Variants in MAEA observed in about 807,000 individuals in gnomAD.
MAEA encodes the protein macrophage erythroblast attacher, E3 ubiquitin ligase.
Under a neutral mutation model 46.2 loss-of-function variants are expected in MAEA, and 22 were observed. That is an observed-to-expected ratio of 0.48 (90% CI 0.34 to 0.68). The LOEUF is 0.68. Ranked by LOEUF, MAEA falls within the 30% of genes least tolerant of loss-of-function variation. The probability of loss-of-function intolerance (pLI) is 0.01; values close to 1 mark genes in which losing one functional copy is unlikely to be tolerated. For missense variants in MAEA, 393 were observed against 558.1 expected (o/e 0.70, Z 2.98); for synonymous variants, 246 against 222.6 (o/e 1.11, Z -0.94).
intron 1 of MAEA, among the ~76,000 whole-genome samples, chr4:1,296,389 G>A (rs1380503903): frequency 1.2e-5 from 1 of 82,898 alleles, no homozygotes; most frequent in African/African-American, 5.5e-5. Flanking sequence ...TGCCTGTGCA[G>A]CCGTCACCCA....
Position 1,311,878 on chromosome 4 carries a change from C to A in MAEA, c.70-101C>A. The A allele has an allele frequency of 9.9e-7, 1 of 1,010,628 alleles. No individual in the cohort carries two copies. Among genetic ancestry groups the A allele is most frequent in the Non-Finnish European group, 1.5e-6 (1 of 678,112 alleles). 62.6% of individuals were successfully genotyped at this position (1,010,628 alleles called of 1,614,324 possible). Reference sequence around the variant, plus strand: ...GACCATGAACCTTCTGAGACTTCTGCCTCTACAAGTGCCATGAGGAGACCT... The same window carrying A: ...GACCATGAACCTTCTGAGACTTCTGACTCTACAAGTGCCATGAGGAGACCT... On this transcript the variant is annotated intron_variant, in intron 1 of 8. Transcript: ENST00000303400. This position sits in a 1 kb window ranked among gnomAD's most constrained non-coding sequence, Gnocchi z 4.4.
intron 1 of MAEA, among the ~76,000 whole-genome samples, chr4:1,298,398 G>A (rs567531224): frequency 3.3e-5 from 5 of 152,334 alleles, no homozygotes; most frequent in South Asian, 2.1e-4. Flanking sequence ...AGGCACACGC[G>A]CCGTCTTCTG....
At chr4:1,338,884 G>A (rs554640959) in intron 8 of MAEA, 190 bp from the exon 9 acceptor site, 27 of 659,726 alleles carry the variant, frequency 4.1e-5, no homozygotes, top group East Asian at 2.4e-4. Flanking sequence ...AGCTTCGTTC[G>A]AAATGGATGA....
At chr4:1,302,982 G>A (rs1199181965) in intron 1 of MAEA, among the ~76,000 whole-genome samples, 5 of 151,970 alleles carry the variant, frequency 3.3e-5, no homozygotes, top group African/African-American at 9.7e-5. Context: ...ATCCTCATAC[G>A]CAGCCACCTC....
intron 2 of MAEA, among the ~76,000 whole-genome samples, chr4:1,313,941 G>A (rs1252124126): frequency 6.6e-6 from 1 of 152,206 alleles, no homozygotes; most frequent in Non-Finnish European, 1.5e-5. Context: ...GGCTGAGGCA[G>A]GAGAATCGCT....
At chr4:1,330,031 G>C (rs1037009362) in intron 5 of MAEA, 15 of 985,426 alleles carry the variant, frequency 1.5e-5, no homozygotes, top group Non-Finnish European at 1.8e-5. Context: ...TGGAGCCAGC[G>C]TGCTGGGCCG....
chr4:1,330,148 C>T (rs536894189), intron 5 of MAEA: 4 of 985,338 alleles, frequency 4.1e-6, no homozygotes, highest in African/African-American at 1.7e-5. Flanking sequence ...TAACTTTTAA[C>T]GCCTTTAATT....
chr4:1,308,754 G>T (rs540177814), intron 1 of MAEA, among the ~76,000 whole-genome samples: 2 of 152,310 alleles, frequency 1.3e-5, no homozygotes, highest in African/African-American at 2.4e-5. Flanking sequence ...TTTTAAAATT[G>T]GATATTTCCT....
chr4:1,321,655 C>T (rs569112130), intron 3 of MAEA, among the ~76,000 whole-genome samples: 1 of 152,292 alleles, frequency 6.6e-6, no homozygotes, highest in African/African-American at 2.4e-5. Flanking sequence ...GAGGTGCCGT[C>T]CTTGGTCCCA....
At chr4:1,332,932 T>C in intron 6 of MAEA, 67 bp downstream of exon 6, 1 of 1,254,542 alleles carries the variant, frequency 8.0e-7, no homozygotes, top group Non-Finnish European at 1.1e-6. Flanking sequence ...CTCTGGTCTG[T>C]AGCTGCTTCC....
At chr4:1,305,075 T>C (rs759630512) in intron 1 of MAEA, among the ~76,000 whole-genome samples, 2 of 152,246 alleles carry the variant, frequency 1.3e-5, no homozygotes, top group Non-Finnish European at 2.9e-5. Flanking sequence ...TGGACTTCTC[T>C]TCACCATCTT....
In MAEA at chr4:1,322,283, C is replaced by T. The variant is rs184736988; in HGVS notation, c.457-98C>T. ...CTGGAGATGCATCTCGAGTGGTGGC[C>T]GGTGCTGGGCCTGCCTCATGGAGGC... On this transcript the variant is annotated intron_variant, in intron 3 of 8. Coordinates refer to ENST00000303400, the MANE Select transcript of MAEA (RefSeq NM_001017405.3). 1.2e-4 allele frequency: 189 copies of T among 1,524,242 alleles called. 1 individual carries two copies. The East Asian group carries it at 2.8e-3, about 23-fold the overall frequency. 94.4% of individuals were successfully genotyped at this position (1,524,242 alleles called of 1,614,324 possible).
chr4:1,306,557 G>GT (rs768383772), intron 1 of MAEA, among the ~76,000 whole-genome samples: 4 of 152,024 alleles, frequency 2.6e-5, no homozygotes, highest in Admixed American at 6.5e-5. Context: ...CTTGCTTGTC[G>GT]TAATACTGAG....
At position 1,315,610 on chromosome 4, in the gene MAEA, C is replaced by T. The variant is rs112610268; in HGVS notation, c.456+10C>T. ...CCAGAGCGGCATCGAGGTGGGTGCC[C>T]GCCAGACGCAGGCACAGCGCCCCAG... On this transcript the variant is annotated intron_variant, in intron 3 of 8. Coordinates refer to ENST00000303400, the MANE Select transcript of MAEA (RefSeq NM_001017405.3). 1,216 of 1,612,010 alleles carry T rather than the reference C, an allele frequency of 7.5e-4. 12 individuals carry two copies. In the African/African-American group the frequency reaches 0.014, roughly 19 times the overall value.
intron 1 of MAEA, chr4:1,309,726 C>T (rs1368899858): frequency 4.6e-6 from 7 of 1,517,848 alleles, no homozygotes; most frequent in East Asian, 4.9e-5. Flanking sequence ...AGCCCCTCCC[C>T]GGCCTCCTTC....
chr4:1,322,246 C>A, intron 3 of MAEA, 135 bp from the exon 4 acceptor site: 2 of 1,243,856 alleles, frequency 1.6e-6, no homozygotes, highest in Admixed American at 2.0e-5. Context: ...GAGTGCAGAC[C>A]CACAGTGTGG....
At chr4:1,306,359 G>T (rs983142561) in intron 1 of MAEA, among the ~76,000 whole-genome samples, 3 of 152,116 alleles carry the variant, frequency 2.0e-5, no homozygotes, top group Non-Finnish European at 2.9e-5. Flanking sequence ...TTAAAAAAAT[G>T]GGATTGCTAA....
Position 1,319,915 on chromosome 4 carries a change from A to G in MAEA, c.457-2466A>G, listed in dbSNP as rs569444543. ...CAAAGCAAACATGCAAGAAAACGCT[A>G]TGAAGGGGCTTCAGAAAAGAATCAT... On this transcript the variant is annotated intron_variant, in intron 3 of 8. Transcript: ENST00000303400. 2.8e-3 allele frequency among the ~76,000 whole-genome samples: 424 copies of G among 152,054 alleles called. 5 individuals carry two copies. The highest frequency in any genetic ancestry group is 9.9e-3 in the African/African-American group (412 of 41,440).
intron 5 of MAEA, chr4:1,328,643 T>A: frequency 7.9e-7 from 1 of 1,271,468 alleles, no homozygotes. Context: ...GTGGGCCGGG[T>A]GGCCGAGTGT....
Sources: gnomAD v4.1 joint callset for allele counts (sites outside exome capture counted in the v4.1 genomes callset) on GRCh38, gnomAD v4.1.1 for gene constraint, Gnocchi (gnomAD v3.1) non-coding constraint, MANE v1.5 for transcripts, NCBI Gene and HGNC (gene_info 2026-07-23, HGNC 2026-07-21) for gene names.